CCDC146: variants seen among roughly 807,000 people sequenced by gnomAD.
CCDC146 encodes coiled-coil domain-containing protein 146.
Under a neutral mutation model 119.3 loss-of-function variants are expected in CCDC146, and 92 were observed. The observed-to-expected ratio is 0.77, with a 90% CI of 0.65 to 0.92. CCDC146 has a LOEUF of 0.92. Among genes scored for constraint, CCDC146 ranks in the 40% least tolerant of loss-of-function variants. The pLI, the probability that CCDC146 is intolerant of heterozygous loss-of-function variation, is 0.00. For synonymous variants in CCDC146, 372 were observed against 371.8 expected, an observed-to-expected ratio of 1.00 and a Z score of -0.01; for missense variants, 1,000 against 1,103.0, an observed-to-expected ratio of 0.91 and a Z score of 1.32.
intron 2 of CCDC146, among the ~76,000 whole-genome samples, chr7:77,177,775 A>G (rs1000264317): frequency 1.3e-5 from 2 of 152,180 alleles, no homozygotes; most frequent in Non-Finnish European, 2.9e-5. Context: ...AAATCTTGCT[A>G]TTATTGGCAT....
chr7:77,146,043 G>C (rs1234380409), intron 1 of CCDC146, among the ~76,000 whole-genome samples: 1 of 151,758 alleles, frequency 6.6e-6, no homozygotes, highest in Non-Finnish European at 1.5e-5. Flanking sequence ...TTATCATTGT[G>C]GGGGAGTCTA....
intron 1 of CCDC146, among the ~76,000 whole-genome samples, chr7:77,147,424 TC>T (rs1425775702): frequency 1.3e-5 from 2 of 152,354 alleles, no homozygotes; most frequent in South Asian, 2.1e-4. Flanking sequence ...AAAGTCATTC[TC>T]CTTCCAGCTT....
chr7:77,255,072 T>C (rs1793152193), intron 5 of CCDC146, among the ~76,000 whole-genome samples: 2 of 152,194 alleles, frequency 1.3e-5, no homozygotes, highest in South Asian at 4.1e-4. Context: ...GCTCCATTCA[T>C]ATACCAGCCA....
At position 77,273,771 on chromosome 7, in the gene CCDC146, G is replaced by A; in HGVS notation, c.1251G>A (p.Lys417=). ...TTCACAAGGAAGTTGAAGTAGCTAA[G>A]AGGAATTTGGCCCAACAGGTTAATA... ...RELHKEVEVA[K]RNLAQQKIIS... is the part of the protein sequence containing the mutation. Residue 417 remains lysine (K), a synonymous_variant, in exon 10 of 19, where the codon AAG becomes AAA. Coordinates refer to ENST00000285871, the MANE Select transcript of CCDC146 (RefSeq NM_020879.3). 1 of 1,610,460 alleles carries A rather than the reference G, an allele frequency of 6.2e-7. No homozygotes were observed. The highest frequency in any genetic ancestry group is 1.7e-4 in the Middle Eastern group (1 of 6,048).
chr7:77,157,227 A>C (rs1384437311), intron 1 of CCDC146, among the ~76,000 whole-genome samples: 5 of 105,998 alleles, frequency 4.7e-5, no homozygotes, highest in Non-Finnish European at 7.5e-5. Context: ...GGACTAGGAG[A>C]GAAATAAATC....
chr7:77,278,972 G>T lies in CCDC146; in HGVS notation c.1565G>T (p.Arg522Leu). The change falls in exon 13 of 19, where the codon CGA becomes CTA. Residue 522 changes from arginine (R) to leucine (L), a missense_variant. Arg to Leu is a moderately radical substitution (Grantham distance 102, BLOSUM62 -2). Transcript: ENST00000285871. ...REFAKLYDTI[R>L]NERNKFVNLL... The stretch of plus-strand genomic sequence containing the variant: ...TTTGCTAAACTGTATGACACCATTC[G>T]AAATGAAAGAAACAAATTTGTTAAC... 1 of 1,611,128 alleles carries T rather than the reference G, an allele frequency of 6.2e-7. No individual in the cohort carries two copies. The highest frequency in any genetic ancestry group is 8.5e-7 in the Non-Finnish European group (1 of 1,179,200).
chr7:77,273,818 A>G (rs1390133371), intron 10 of CCDC146, 29 bp downstream of exon 10: 2 of 1,392,850 alleles, frequency 1.4e-6, no homozygotes, highest in Admixed American at 3.4e-5. Flanking sequence ...TTAAGCTTCT[A>G]TCTAAGAAGC....
At chr7:77,262,981 T>C (rs1200630275) in intron 9 of CCDC146, among the ~76,000 whole-genome samples, 2 of 152,096 alleles carry the variant, frequency 1.3e-5, no homozygotes, top group African/African-American at 4.8e-5. Context: ...AGAGCCTTCC[T>C]TGAGCGAAAA....
chr7:77,282,530 A>G (rs1793782728), intron 14 of CCDC146, 27 bp from the exon 15 acceptor site: 1 of 1,533,046 alleles, frequency 6.5e-7, no homozygotes, highest in African/African-American at 1.4e-5. Flanking sequence ...ATGCCCACTT[A>G]GCCTCTGCCT....
At chr7:77,278,387 T>G (rs1266020196) in intron 11 of CCDC146, among the ~76,000 whole-genome samples, 2 of 151,994 alleles carry the variant, frequency 1.3e-5, no homozygotes, top group Non-Finnish European at 2.9e-5. Flanking sequence ...TTTTCAGATC[T>G]CTTTTACCCT....
At chr7:77,247,049 G>T (rs1209148104) in intron 4 of CCDC146, among the ~76,000 whole-genome samples, 1 of 152,050 alleles carries the variant, frequency 6.6e-6, no homozygotes, top group Non-Finnish European at 1.5e-5. Flanking sequence ...GGTAAAAATG[G>T]ATTCAACCAC....
intron 7 of CCDC146, among the ~76,000 whole-genome samples, chr7:77,259,794 G>A (rs1293038765): frequency 3.3e-5 from 5 of 152,088 alleles, no homozygotes; most frequent in South Asian, 2.1e-4. Context: ...CCTGCCTTCC[G>A]TGGCACTCAG....
chr7:77,236,783 C>G (rs1052228050), intron 2 of CCDC146, among the ~76,000 whole-genome samples, 164 bp from the exon 3 acceptor site: 2 of 152,190 alleles, frequency 1.3e-5, no homozygotes, highest in Non-Finnish European at 2.9e-5. Flanking sequence ...AGAACTAGCA[C>G]TATTTTCTCC....
At chr7:77,248,462 T>C (rs567399152) in intron 4 of CCDC146, among the ~76,000 whole-genome samples, 17 of 152,348 alleles carry the variant, frequency 1.1e-4, no homozygotes, top group Middle Eastern at 3.4e-3. Context: ...TTTTAGCTCA[T>C]GTTCCTAGAT....
chr7:77,270,474 G>T (rs944324934), intron 9 of CCDC146, among the ~76,000 whole-genome samples: 4 of 152,106 alleles, frequency 2.6e-5, no homozygotes, highest in Non-Finnish European at 5.9e-5. Flanking sequence ...AAAAGAAATG[G>T]AAAATATCTC....
At chr7:77,187,980 G>C (rs1770854891) in intron 2 of CCDC146, among the ~76,000 whole-genome samples, 1 of 152,210 alleles carries the variant, frequency 6.6e-6, no homozygotes, top group Non-Finnish European at 1.5e-5. Context: ...ACCACTCACA[G>C]ATGCTGAGTG....
intron 4 of CCDC146, among the ~76,000 whole-genome samples, chr7:77,252,375 TGCATCACAG>T: frequency 6.6e-6 from 1 of 152,136 alleles, no homozygotes; most frequent in Non-Finnish European, 1.5e-5. Flanking sequence ...ATGTTCCAAA[TGCATCACAG>T]TAAAACTTGA....
chr7:77,259,254 T>C (rs1374641462), intron 7 of CCDC146, 186 bp downstream of exon 7: 6 of 511,638 alleles, frequency 1.2e-5, no homozygotes. Flanking sequence ...ATTTCTATCA[T>C]TCATAGTATT....
chr7:77,208,441 A>G (rs3095467), intron 2 of CCDC146, among the ~76,000 whole-genome samples: 10,425 of 152,288 alleles, frequency 0.068, 538 homozygotes, highest in Non-Finnish European at 0.094. Context: ...ACTGTACTGA[A>G]TACTGTATAC....
Sources: gnomAD v4.1 joint callset for allele counts (sites outside exome capture counted in the v4.1 genomes callset) on GRCh38, gnomAD v4.1.1 for gene constraint, MANE v1.5 for transcripts, NCBI Gene and HGNC (gene_info 2026-07-23, HGNC 2026-07-21) for gene names.